The following SND1 variants were observed in gnomAD, a reference collection of about 807,000 sequenced individuals.
The protein encoded by SND1 is staphylococcal nuclease domain-containing protein 1.
In SND1, 38 loss-of-function variants were observed where a neutral mutation model predicts 121.7. The ratio of observed to expected loss-of-function variants is 0.31; its 90% CI spans 0.24 to 0.41. The LOEUF is 0.41. Among genes scored for constraint, SND1 ranks in the 10% least tolerant of loss-of-function variants. SND1 has a pLI of 1.00. For missense variants in SND1, 868 were observed against 1,184.6 expected, an observed-to-expected ratio of 0.73 and a Z score of 3.92; for synonymous variants, 401 against 447.4, an observed-to-expected ratio of 0.90 and a Z score of 1.31.
chr7:128,010,475 C>G (rs1266107135), intron 16 of SND1, among the ~76,000 whole-genome samples: 1 of 152,218 alleles, frequency 6.6e-6, no homozygotes, highest in East Asian at 1.9e-4. Flanking sequence ...TAGCCTCCCC[C>G]TTCTGATGTC....
chr7:127,662,477 G>A (rs1399733282), intron 1 of SND1, among the ~76,000 whole-genome samples: 1 of 152,108 alleles, frequency 6.6e-6, no homozygotes, highest in Admixed American at 6.5e-5. Flanking sequence ...ATATCTTTGT[G>A]CTCTGATGCT....
intron 12 of SND1, among the ~76,000 whole-genome samples, chr7:127,849,410 C>T (rs755844859): frequency 2.0e-5 from 3 of 152,158 alleles, no homozygotes; most frequent in Non-Finnish European, 2.9e-5. Context: ...CTGCATATCA[C>T]GTTTTCAAAG....
At chr7:128,039,636 G>C (rs546354052) in intron 16 of SND1, among the ~76,000 whole-genome samples, 37 of 152,272 alleles carry the variant, frequency 2.4e-4, no homozygotes, top group African/African-American at 8.9e-4. Flanking sequence ...ACGGGTTCTT[G>C]GCAGTTGTGA....
intron 13 of SND1, among the ~76,000 whole-genome samples, chr7:127,896,668 G>A (rs1800126179): frequency 6.6e-6 from 1 of 152,080 alleles, no homozygotes; most frequent in South Asian, 2.1e-4. Flanking sequence ...AAGTAACAGA[G>A]AACAAGGCAT....
chr7:127,856,876 A>G (rs995271065), intron 12 of SND1, among the ~76,000 whole-genome samples: 2 of 152,138 alleles, frequency 1.3e-5, no homozygotes, highest in African/African-American at 4.8e-5. Context: ...TAAACAATTC[A>G]TTTATTCCTG....
At position 127,765,142 on chromosome 7, in the gene SND1, T is replaced by C. The variant is rs531851361; in HGVS notation, c.1153-42342T>C. Among the ~76,000 whole-genome samples, 3 of 152,320 alleles carry C rather than the reference T, an allele frequency of 2.0e-5. No individual in the cohort carries two copies. In the South Asian group the frequency reaches 6.2e-4, roughly 32 times the overall value. On this transcript the variant is annotated intron_variant, in intron 10 of 23. Transcript: ENST00000354725. Reference sequence around the variant, plus strand: ...AATGACATCTAGGAACACACCATGATGCCACTGGACTCTGTAGTGGTCTTT... The same window carrying C: ...AATGACATCTAGGAACACACCATGACGCCACTGGACTCTGTAGTGGTCTTT...
intron 10 of SND1, among the ~76,000 whole-genome samples, chr7:127,791,679 T>C (rs1163999310): frequency 6.6e-6 from 1 of 152,226 alleles, no homozygotes; most frequent in Non-Finnish European, 1.5e-5. Context: ...TTTTGACAGC[T>C]GGCTTAAGAG....
rs544645280 is a variant in SND1 at position 127,975,357 on chromosome 7, G to T, written c.1670-15590G>T. The stretch of plus-strand genomic sequence containing the variant: ...GGCGCGCGCGCATGTGCGCACGCGC[G>T]TGTGTATGTGAGAGATTGACTCCCC... On this transcript the variant is annotated intron_variant, in intron 15 of 23. Transcript: ENST00000354725. 5.9e-4 allele frequency among the ~76,000 whole-genome samples: 90 copies of T among 151,940 alleles called. 1 individual carries two copies. The South Asian group carries it at 7.9e-3, about 13-fold the overall frequency.
At chr7:127,691,004 T>G (rs1334351510) in intron 2 of SND1, among the ~76,000 whole-genome samples, 1 of 152,166 alleles carries the variant, frequency 6.6e-6, no homozygotes, top group Non-Finnish European at 1.5e-5. Context: ...TCCAAGCTAA[T>G]CCCCAGCGTT....
chr7:128,043,008 A>G (rs1792881610), intron 16 of SND1, among the ~76,000 whole-genome samples: 1 of 152,242 alleles, frequency 6.6e-6, no homozygotes, highest in African/African-American at 2.4e-5. Context: ...GGTAATGAAG[A>G]ACTTTCTAAG....
intron 11 of SND1, among the ~76,000 whole-genome samples, chr7:127,840,434 A>G (rs774211657): frequency 2.6e-5 from 4 of 152,170 alleles, no homozygotes; most frequent in Non-Finnish European, 5.9e-5. Context: ...TGAGTCAGTT[A>G]TATAGCCCTT....
At chr7:127,872,402 A>G (rs909793193) in intron 12 of SND1, among the ~76,000 whole-genome samples, 10 of 152,166 alleles carry the variant, frequency 6.6e-5, no homozygotes, top group African/African-American at 2.4e-4. Context: ...AGTACTGAAG[A>G]ATAAATACCA....
chr7:127,968,664 A>G (rs1801908947), intron 15 of SND1, among the ~76,000 whole-genome samples: 2 of 152,234 alleles, frequency 1.3e-5, no homozygotes, highest in Admixed American at 1.3e-4. Context: ...ATTATAACAG[A>G]ACTTGTTGGA....
At chr7:128,005,723 A>G (rs1431536002) in intron 16 of SND1, among the ~76,000 whole-genome samples, 1 of 152,208 alleles carries the variant, frequency 6.6e-6, no homozygotes, top group Admixed American at 6.5e-5. Context: ...CTGGGTGAAG[A>G]AGGAGACTGC....
At chr7:128,056,668 A>G (rs1389266609) in intron 16 of SND1, among the ~76,000 whole-genome samples, 1 of 152,138 alleles carries the variant, frequency 6.6e-6, no homozygotes, top group Non-Finnish European at 1.5e-5. Flanking sequence ...CTCATCAACA[A>G]TGAGAATACA....
chr7:127,834,401 C>T (rs995508834), intron 11 of SND1, among the ~76,000 whole-genome samples: 13 of 152,078 alleles, frequency 8.5e-5, no homozygotes, highest in Non-Finnish European at 1.8e-4. Flanking sequence ...TAATTGTAGG[C>T]CAAGGAGTTG....
At chr7:128,053,533 G>A (rs1311544622) in intron 16 of SND1, among the ~76,000 whole-genome samples, 2 of 152,190 alleles carry the variant, frequency 1.3e-5, no homozygotes, top group African/African-American at 4.8e-5. Flanking sequence ...CTGGAAAACT[G>A]TGGAACACAA....
intron 10 of SND1, among the ~76,000 whole-genome samples, chr7:127,742,329 C>T (rs1321901625): frequency 6.6e-6 from 1 of 152,090 alleles, no homozygotes; most frequent in African/African-American, 2.4e-5. Context: ...GAATTAGTGT[C>T]ATTTTCAGTA....
chr7:128,038,825 A>G (rs890678552), intron 16 of SND1, among the ~76,000 whole-genome samples: 17 of 152,252 alleles, frequency 1.1e-4, no homozygotes, highest in Non-Finnish European at 2.2e-4. Flanking sequence ...AAACTAAGAA[A>G]TTAATCTATT....
Sources: allele counts gnomAD v4.1 joint callset (sites outside exome capture counted in the v4.1 genomes callset), GRCh38; gene constraint gnomAD v4.1.1; transcripts MANE v1.5; gene names NCBI Gene and HGNC (gene_info 2026-07-23, HGNC 2026-07-21).